TSPAN3: variants seen among roughly 807,000 people sequenced by gnomAD.
TSPAN3 encodes tetraspanin 3, also known as tetraspanin-3.
Under a neutral mutation model 31.1 loss-of-function variants are expected in TSPAN3, and 9 were observed. That is an observed-to-expected ratio of 0.29 (90% CI 0.17 to 0.50). TSPAN3 has a LOEUF of 0.50. TSPAN3 is among the 20% of genes least tolerant of loss of function. TSPAN3 has a pLI of 0.98. For synonymous variants in TSPAN3, 129 were observed against 114.3 expected, an observed-to-expected ratio of 1.13 and a Z score of -0.82; for missense variants, 252 against 313.5, an observed-to-expected ratio of 0.80 and a Z score of 1.48.
chr15:77,069,322 C>T (rs1327195659), intron 1 of TSPAN3, among the ~76,000 whole-genome samples: 1 of 152,048 alleles, frequency 6.6e-6, no homozygotes, highest in Non-Finnish European at 1.5e-5. Flanking sequence ...GCAAAAGATG[C>T]CCTTATAATG....
intron 1 of TSPAN3, among the ~76,000 whole-genome samples, chr15:77,067,153 A>C (rs1293991805): frequency 2.0e-5 from 3 of 152,182 alleles, no homozygotes; most frequent in Non-Finnish European, 4.4e-5. Flanking sequence ...TTGGGGATTC[A>C]GTTTCAACAT....
chr15:77,063,300 T>G (rs908432863), intron 1 of TSPAN3: 1 of 152,122 alleles, frequency 6.6e-6, no homozygotes, highest in Non-Finnish European at 1.5e-5. Context: ...AGGAGACAAG[T>G]TTTTTTTAAA....
At position 77,055,825 on chromosome 15, in the gene TSPAN3, A is replaced by T. The variant is rs758482457; in HGVS notation, c.294T>A (p.Val98=). The part of the protein sequence containing the change: ...IILLLVFVTE[V]VVVVLGYVYR... ...AAACATATCCCAAAACCACTACAACAACTTCTGTGACAAAAACCAAGAGCA... is the reference window on the plus strand; with the variant it reads ...AAACATATCCCAAAACCACTACAACTACTTCTGTGACAAAAACCAAGAGCA... The change falls in exon 3 of 7, where the codon GTT becomes GTA. Residue 98 remains valine (V), a synonymous_variant. Transcript: ENST00000267970. 5 of 1,611,772 alleles carry T rather than the reference A, an allele frequency of 3.1e-6. No homozygotes were observed. The African/African-American group carries it at 5.3e-5, about 17-fold the overall frequency.
At chr15:77,069,864 CAAGTGTTTAAGGAAATGA>C (rs2076856207) in intron 1 of TSPAN3, 1 of 152,194 alleles carries the variant, frequency 6.6e-6, no homozygotes, top group Admixed American at 6.5e-5. Flanking sequence ...CCAGGGCACT[CAAGTGTTTAAGGAAATGA>C]CAAGTTCAGA....
intron 6 of TSPAN3, among the ~76,000 whole-genome samples, chr15:77,049,387 A>AC (rs1413647672): frequency 1.3e-5 from 2 of 152,096 alleles, no homozygotes; most frequent in Non-Finnish European, 2.9e-5. Flanking sequence ...ACTTCATGAG[A>AC]CCCCAAAGTA....
intron 1 of TSPAN3, among the ~76,000 whole-genome samples, chr15:77,056,522 C>A (rs2076769854): frequency 6.6e-6 from 1 of 152,000 alleles, no homozygotes; most frequent in South Asian, 2.1e-4. Context: ...TGATGACACA[C>A]ACCTACACAT....
Position 77,044,026 on chromosome 15 carries a change from CA to C in TSPAN3, c.*2808del, listed in dbSNP as rs1405941129. 6.6e-6 allele frequency: 1 copy of C among 152,204 alleles called. No individual in the cohort carries two copies. The highest frequency in any genetic ancestry group is 1.5e-5 in the Non-Finnish European group (1 of 68,038). 9.4% of individuals were successfully genotyped at this position (152,204 alleles called of 1,614,324 possible). A position where few individuals can be genotyped will look rare whatever the true frequency, so the allele number is the denominator to read the frequency against. ...ATCTGGGCAAAGGATATTTGAGCCT[CA>C]TTTGTACAGTTTTTATTCTTGCAAC... On this transcript the variant is annotated 3_prime_UTR_variant, in exon 7 of 7. Transcript: ENST00000267970.
chr15:77,054,128 A>G (rs1198509530), intron 4 of TSPAN3, 50 bp downstream of exon 4: 9 of 1,289,422 alleles, frequency 7.0e-6, no homozygotes, highest in Non-Finnish European at 1.0e-5. Context: ...TTTAATGTTG[A>G]CCCAATCGTG....
chr15:77,051,460 A>G lies in TSPAN3; in HGVS notation c.669+925T>C, dbSNP rs570552420. Among the ~76,000 whole-genome samples the G allele has an allele frequency of 4.6e-5, 7 of 151,930 alleles. No homozygotes were observed. In the East Asian group the frequency reaches 1.4e-3, roughly 29 times the overall value. On this transcript the variant is annotated intron_variant, in intron 6 of 6. Coordinates refer to ENST00000267970, the MANE Select transcript of TSPAN3 (RefSeq NM_005724.6). ...GAAGAATCACTGGAACCTGGGAGGC[A>G]GAGGTTGCAGTGAGCTGAGATCACA... is the stretch of plus-strand genomic sequence containing the variant.
At chr15:77,064,175 G>A (rs1003306972) in intron 1 of TSPAN3, 8 of 152,204 alleles carry the variant, frequency 5.3e-5, no homozygotes, top group African/African-American at 1.9e-4. Flanking sequence ...AGAGGAAGAA[G>A]ATATGTCAAT....
chr15:77,053,476 AAAAAAAAAAAAAAAAAAAG>A (rs1327159992), intron 4 of TSPAN3, among the ~76,000 whole-genome samples: 32 of 87,432 alleles, frequency 3.7e-4, no homozygotes, highest in African/African-American at 9.8e-4. Context: ...AAAAAAAAAA[AAAAAAAAAAAAAAAAAAAG>A]AAAAGAAAAG....
At chr15:77,047,009 C>G in intron 6 of TSPAN3, 82 bp from the exon 7 acceptor site, 1 of 1,168,614 alleles carries the variant, frequency 8.6e-7, no homozygotes, top group Non-Finnish European at 1.2e-6. Flanking sequence ...GGTAAAAGAG[C>G]TGTTTCAAAG....
chr15:77,049,087 A>C lies in TSPAN3; in HGVS notation c.670-2160T>G, dbSNP rs115267703. Among the ~76,000 whole-genome samples the C allele has an allele frequency of 2.1e-3, 324 of 152,332 alleles. 4 individuals carry two copies. The highest frequency in any genetic ancestry group is 7.5e-3 in the African/African-American group (312 of 41,580). Reference sequence around the variant, plus strand: ...GGAATACTATGCAGACATGAAATTAAAAAGGCAGATCTATATCCAAAATAC... The same window carrying C: ...GGAATACTATGCAGACATGAAATTACAAAGGCAGATCTATATCCAAAATAC... On this transcript the variant is annotated intron_variant, in intron 6 of 6. Coordinates refer to ENST00000267970, the MANE Select transcript of TSPAN3 (RefSeq NM_005724.6).
Position 77,042,484 on chromosome 15 carries a change from C to A in TSPAN3, c.*4351G>T, listed in dbSNP as rs898190934. On this transcript the variant is annotated 3_prime_UTR_variant, in exon 7 of 7. Transcript: ENST00000267970. ...TAGATCAGAAATTAGGGGAGTGCTT[C>A]CAAAAATGCTGGGATATAGGAGGCA... 6.6e-6 allele frequency: 1 copy of A among 152,072 alleles called. No individual in the cohort carries two copies. Among genetic ancestry groups the A allele is most frequent in the Non-Finnish European group, 1.5e-5 (1 of 68,030 alleles). 9.4% of individuals were successfully genotyped at this position (152,072 alleles called of 1,614,324 possible). A position where few individuals can be genotyped will look rare whatever the true frequency, so the allele number is the denominator to read the frequency against.
At chr15:77,068,986 C>A (rs1002136116) in intron 1 of TSPAN3, among the ~76,000 whole-genome samples, 1 of 152,126 alleles carries the variant, frequency 6.6e-6, no homozygotes, top group East Asian at 1.9e-4. Context: ...ATTTATATTC[C>A]TTTGGGTATG....
intron 1 of TSPAN3, 29 bp downstream of exon 1, chr15:77,070,863 G>T: frequency 7.8e-7 from 1 of 1,289,028 alleles, no homozygotes; most frequent in Non-Finnish European, 9.9e-7. Flanking sequence ...CCCCGCCGCC[G>T]GCCCCTCGCT....
intron 3 of TSPAN3, 61 bp from the exon 4 acceptor site, chr15:77,054,340 G>C (rs2076754207): frequency 2.1e-5 from 25 of 1,163,560 alleles, no homozygotes; most frequent in Non-Finnish European, 3.1e-5. Flanking sequence ...ATTAGTCAAG[G>C]CTCCTACTAA....
chr15:77,056,960 T>G (rs1350210784), intron 1 of TSPAN3, among the ~76,000 whole-genome samples: 1 of 152,220 alleles, frequency 6.6e-6, no homozygotes. Context: ...GAGTCTGCAT[T>G]TCTAACAAGT....
intron 1 of TSPAN3, among the ~76,000 whole-genome samples, chr15:77,069,510 A>G (rs2076853804): frequency 6.6e-6 from 1 of 152,248 alleles, no homozygotes; most frequent in African/African-American, 2.4e-5. Context: ...CACTGCTCTA[A>G]TTGGAAAAGA....
Sources: gnomAD v4.1 joint callset for allele counts (sites outside exome capture counted in the v4.1 genomes callset) on GRCh38, gnomAD v4.1.1 for gene constraint, MANE v1.5 for transcripts, NCBI Gene and HGNC (gene_info 2026-07-23, HGNC 2026-07-21) for gene names.